RRM2: variants seen among roughly 807,000 people sequenced by gnomAD.
The protein encoded by RRM2 is ribonucleotide reductase regulatory subunit M2.
A neutral mutation model predicts 45.9 loss-of-function variants in RRM2; 6 were observed. The observed-to-expected ratio is 0.13, with a 90% CI of 0.07 to 0.26. The LOEUF (loss-of-function observed/expected upper bound fraction) is 0.26, where lower values mean the gene tolerates loss of function less well. Ranked by LOEUF, RRM2 falls within the 10% of genes least tolerant of loss-of-function variation. The pLI is 1.00. For missense variants in RRM2, 343 were observed against 489.5 expected (o/e 0.70, Z 2.82); for synonymous variants, 177 against 173.0 (o/e 1.02, Z -0.18).
At chr2:10,208,333 G>C (rs1345730519) in intron 3 of RRM2, among the ~76,000 whole-genome samples, 1 of 152,194 alleles carries the variant, frequency 6.6e-6, no homozygotes, top group Non-Finnish European at 1.5e-5. Context: ...AGATCAACAA[G>C]AGCCTTTCCC....
chr2:10,146,575 C>T (rs898318440), intron 3 of RRM2, among the ~76,000 whole-genome samples: 2 of 152,210 alleles, frequency 1.3e-5, no homozygotes, highest in African/African-American at 4.8e-5. Flanking sequence ...TTGCACTGGG[C>T]AACGCTGTGT....
chr2:10,184,762 C>T (rs1664129345), intron 3 of RRM2, among the ~76,000 whole-genome samples: 1 of 152,262 alleles, frequency 6.6e-6, no homozygotes, highest in African/African-American at 2.4e-5. Context: ...CTGGAAGTGT[C>T]ACCACCCTGG....
At chr2:10,198,154 C>T (rs940175184) in intron 3 of RRM2, among the ~76,000 whole-genome samples, 1 of 152,218 alleles carries the variant, frequency 6.6e-6, no homozygotes, top group Admixed American at 6.5e-5. Context: ...GGGCTATGCA[C>T]AGGCTTCAGG....
At chr2:10,192,389 G>A (rs978521522) in intron 3 of RRM2, among the ~76,000 whole-genome samples, 2 of 152,194 alleles carry the variant, frequency 1.3e-5, no homozygotes, top group African/African-American at 2.4e-5. Flanking sequence ...TTCTCCAACC[G>A]TGGTGACTCT....
At chr2:10,178,782 G>A (rs1663985380) in intron 3 of RRM2, among the ~76,000 whole-genome samples, 1 of 152,158 alleles carries the variant, frequency 6.6e-6, no homozygotes, top group South Asian at 2.1e-4. Flanking sequence ...ATAGTTTTAA[G>A]AGGTGGGACC....
intron 3 of RRM2, among the ~76,000 whole-genome samples, chr2:10,165,678 G>A (rs1663664820): frequency 6.6e-6 from 1 of 152,212 alleles, no homozygotes; most frequent in African/African-American, 2.4e-5. Context: ...GGGTGACCAG[G>A]GCGATGAATG....
intron 3 of RRM2, among the ~76,000 whole-genome samples, chr2:10,197,208 A>C (rs114657382): frequency 6.8e-4 from 103 of 152,320 alleles, no homozygotes; most frequent in African/African-American, 2.4e-3. Flanking sequence ...CCTGCCTCCG[A>C]GGGCTGGTGT....
At chr2:10,210,691 G>A (rs1271408304) in exon 4 of RRM2, 5 of 1,177,392 alleles carry the variant, frequency 4.2e-6, no homozygotes, top group African/African-American at 1.6e-5. Context: ...GGGAGGGTGG[G>A]AAACTGGGGT....
rs1663149865 is a variant in RRM2 at position 10,144,499 on chromosome 2, T to C, written n.482+2124T>C. Among the ~76,000 whole-genome samples the C allele has an allele frequency of 2.0e-5, 3 of 152,198 alleles. No individual in the cohort carries two copies. The South Asian group carries it at 6.2e-4, about 32-fold the overall frequency. On this transcript the variant is annotated intron_variant and non_coding_transcript_variant, in intron 3 of 3. Transcript: ENST00000381786. ...CAGCTGCAGACAGCTGCCTGCCTTC[T>C]TACAGTGCTCAGCTTTTGGGTCCAG...
intron 3 of RRM2, among the ~76,000 whole-genome samples, chr2:10,156,838 C>T (rs1379394139): frequency 6.6e-6 from 1 of 152,010 alleles, no homozygotes; most frequent in Non-Finnish European, 1.5e-5. Context: ...CAGGGTTTCG[C>T]TATGCTGCCA....
chr2:10,183,874 C>G lies in RRM2; in HGVS notation n.483-26437C>G, dbSNP rs866593222. Among the ~76,000 whole-genome samples the G allele has an allele frequency of 2.5e-4, 37 of 150,990 alleles. No individual in the cohort carries two copies. In the South Asian group the frequency reaches 6.3e-3, roughly 26 times the overall value. ...GGAGGCCGAGGCGGGCGGATCATGA[C>G]GTCAGGAGATCGAGACCATCCTGCC... On this transcript the variant is annotated intron_variant and non_coding_transcript_variant, in intron 3 of 3. Coordinates refer to the RRM2 transcript ENST00000381786.
At position 10,185,903 on chromosome 2, in the gene RRM2, C is replaced by G. The variant is rs73913998; in HGVS notation, n.483-24408C>G. Among the ~76,000 whole-genome samples the G allele has an allele frequency of 2.0e-5, 3 of 152,182 alleles. No homozygotes were observed. Among genetic ancestry groups the G allele is most frequent in the Admixed American group, 1.3e-4 (2 of 15,272 alleles). ...CCCTCCTTTCTGTCCTTCCTCGTGC[C>G]GAGGTTCTCTCTCCTTGACTGTTTC... On this transcript the variant is annotated intron_variant and non_coding_transcript_variant, in intron 3 of 3. Transcript: ENST00000381786. This position sits in a 1 kb window ranked among gnomAD's most constrained non-coding sequence, Gnocchi z 4.3.
chr2:10,182,416 T>G (rs1264044875), intron 3 of RRM2, among the ~76,000 whole-genome samples: 12 of 151,928 alleles, frequency 7.9e-5, no homozygotes, highest in Non-Finnish European at 1.6e-4. Flanking sequence ...ATGAACTAGG[T>G]GGTCTAGAAA....
intron 3 of RRM2, among the ~76,000 whole-genome samples, chr2:10,190,319 G>T (rs1363183793): frequency 1.4e-5 from 2 of 138,496 alleles, no homozygotes; most frequent in Admixed American, 1.4e-4. Context: ...GTGTGATGAT[G>T]TGATGGTGGT....
chr2:10,190,113 A>C (rs1308633408), intron 3 of RRM2, among the ~76,000 whole-genome samples: 1 of 139,204 alleles, frequency 7.2e-6, no homozygotes, highest in Non-Finnish European at 1.5e-5. Context: ...GGTGGAGATG[A>C]TAGTGATGGT....
rs74259027 is a variant in RRM2, at chr2:10,190,898, A to G, written n.483-19413A>G. On this transcript the variant is annotated intron_variant and non_coding_transcript_variant, in intron 3 of 3. Coordinates refer to the RRM2 transcript ENST00000381786. ...TGATGGTGATGGTGACGATGGTGAT[A>G]TAAGTCCCCATGCGCACTTCCTCTT... Among the ~76,000 whole-genome samples the G allele has an allele frequency of 1.2e-4, 19 of 152,094 alleles. No homozygotes were observed. The East Asian group carries it at 3.7e-3, about 29-fold the overall frequency.
rs1475146749 is a variant in RRM2, at chr2:10,130,084, G to T, written c.*698G>T. ...TCCTGGGATTCTCTGCCCCCTCTGA[G>T]TAGAGTGTTGTGGGATAAAGGAATC... is the stretch of plus-strand genomic sequence containing the variant. On this transcript the variant is annotated 3_prime_UTR_variant, in exon 10 of 10. Transcript: ENST00000304567. 6.6e-6 allele frequency: 1 copy of T among 152,204 alleles called. No homozygotes were observed. Among genetic ancestry groups the T allele is most frequent in the African/African-American group, 2.4e-5 (1 of 41,442 alleles). The allele number at this position is 152,204 out of a possible 1,614,324, so 9.4% of individuals were successfully genotyped here.
intron 3 of RRM2, among the ~76,000 whole-genome samples, chr2:10,196,313 T>C (rs902773294): frequency 3.3e-5 from 5 of 151,992 alleles, no homozygotes; most frequent in Non-Finnish European, 4.4e-5. Flanking sequence ...CAATCTGAGG[T>C]CTCCCAGGCA....
chr2:10,133,255 T>C (rs138789493), downstream of RRM2, among the ~76,000 whole-genome samples: 5 of 152,352 alleles, frequency 3.3e-5, no homozygotes, highest in African/African-American at 1.2e-4. Flanking sequence ...GTTCTAGACA[T>C]GCTGTGTAAG....
Sources: allele counts gnomAD v4.1 joint callset (sites outside exome capture counted in the v4.1 genomes callset), GRCh38; gene constraint gnomAD v4.1.1; non-coding constraint Gnocchi (gnomAD v3.1); transcripts MANE v1.5; gene names NCBI Gene and HGNC (gene_info 2026-07-23, HGNC 2026-07-21).